The following ADGRE1 variants were observed in gnomAD, a reference collection of about 807,000 sequenced individuals.
ADGRE1 encodes EGF-like module receptor 1.
Under a neutral mutation model 102.7 loss-of-function variants are expected in ADGRE1, and 82 were observed. That is an observed-to-expected ratio of 0.80 (90% CI 0.67 to 0.96). ADGRE1 has a LOEUF of 0.96. Ranked by LOEUF, ADGRE1 falls within the 40% of genes least tolerant of loss-of-function variation. ADGRE1 has a pLI of 0.00. For synonymous variants in ADGRE1, 398 were observed against 399.6 expected, an observed-to-expected ratio of 1.00 and a Z score of 0.05; for missense variants, 1,032 against 1,085.3, an observed-to-expected ratio of 0.95 and a Z score of 0.69.
chr19:6,938,085 C>T (rs8099930), intron 20 of ADGRE1, among the ~76,000 whole-genome samples: 8,402 of 151,728 alleles, frequency 0.055, 771 homozygotes, highest in African/African-American at 0.19. Flanking sequence ...ACCTGTAATC[C>T]CAACACTTTG....
chr19:6,892,689 A>C (rs932388896), intron 2 of ADGRE1, among the ~76,000 whole-genome samples: 3 of 152,252 alleles, frequency 2.0e-5, no homozygotes, highest in African/African-American at 7.2e-5. Flanking sequence ...TATTCACAAT[A>C]GTCAAGATAT....
intron 6 of ADGRE1, among the ~76,000 whole-genome samples, chr19:6,902,894 GC>G (rs1973823718): frequency 6.6e-6 from 1 of 152,210 alleles, no homozygotes; most frequent in African/African-American, 2.4e-5. Context: ...GTGCCACCAT[GC>G]CCAGCTAATT....
At position 6,928,177 on chromosome 19, in the gene ADGRE1, G is replaced by A; in HGVS notation, c.2255G>A (p.Trp752Ter). The change falls in exon 17 of 21, where the codon TGG becomes TAG. Residue 752 changes from tryptophan (W) to a stop codon, truncating the protein, a stop_gained. Transcript: ENST00000312053. LOFTEE classifies it high-confidence loss of function. Reference sequence around the variant, plus strand: ...CTGAATACAGAGACAGGGTTCATCTGGAGTTTCTTGGGGCCAGTTTGCACA... The same window carrying A: ...CTGAATACAGAGACAGGGTTCATCTAGAGTTTCTTGGGGCCAGTTTGCACA... ...CWLNTETGFI[W>*]SFLGPVCTVI... 1.2e-6 allele frequency: 2 copies of A among 1,614,120 alleles called. No individual in the cohort carries two copies. The highest frequency in any genetic ancestry group is 1.7e-6 in the Non-Finnish European group (2 of 1,180,002).
chr19:6,926,673 G>A (rs1974925967), intron 16 of ADGRE1, 72 bp downstream of exon 16: 2 of 1,485,386 alleles, frequency 1.3e-6, no homozygotes, highest in Non-Finnish European at 1.9e-6. Context: ...TGAGCAACAA[G>A]AAGAGTAACA....
intron 2 of ADGRE1, among the ~76,000 whole-genome samples, chr19:6,891,879 G>C (rs949772163): frequency 6.6e-6 from 1 of 152,104 alleles, no homozygotes; most frequent in Non-Finnish European, 1.5e-5. Context: ...GGTGGGATAG[G>C]GCATGTCTGG....
chr19:6,897,115 A>G (rs1973584170), intron 3 of ADGRE1, 34 bp from the exon 4 acceptor site: 8 of 1,394,348 alleles, frequency 5.7e-6, no homozygotes, highest in Non-Finnish European at 6.9e-6. Context: ...TCTATCTAGT[A>G]TAAGTAAATT....
At chr19:6,909,279 C>T (rs540226369) in intron 10 of ADGRE1, among the ~76,000 whole-genome samples, 4 of 152,118 alleles carry the variant, frequency 2.6e-5, no homozygotes, top group Non-Finnish European at 5.9e-5. Flanking sequence ...AGTTTTCTCA[C>T]CTGAATAGAC....
At chr19:6,926,912 ACTT>A (rs1974939873) in intron 16 of ADGRE1, among the ~76,000 whole-genome samples, 1 of 151,968 alleles carries the variant, frequency 6.6e-6, no homozygotes, top group Non-Finnish European at 1.5e-5. Context: ...GGAAAGGAAT[ACTT>A]CTGCATGGTG....
intron 20 of ADGRE1, among the ~76,000 whole-genome samples, 186 bp downstream of exon 20, chr19:6,937,834 T>C (rs1255339946): frequency 6.6e-6 from 1 of 152,028 alleles, no homozygotes; most frequent in Non-Finnish European, 1.5e-5. Context: ...CACACACACA[T>C]TATCTATCTC....
chr19:6,919,824 T>A, intron 13 of ADGRE1, 77 bp downstream of exon 13: 1 of 1,428,308 alleles, frequency 7.0e-7, no homozygotes, highest in South Asian at 1.2e-5. Flanking sequence ...TTAACTCTCA[T>A]TTTTTACGGG....
intron 17 of ADGRE1, among the ~76,000 whole-genome samples, chr19:6,934,689 C>T (rs1450720649): frequency 1.3e-5 from 2 of 151,738 alleles, no homozygotes; most frequent in Admixed American, 1.3e-4. Flanking sequence ...CCTCTGCCTC[C>T]CAGGTTCAGG....
intron 17 of ADGRE1, 69 bp downstream of exon 17, chr19:6,928,280 G>C: frequency 1.9e-6 from 3 of 1,612,496 alleles, no homozygotes; most frequent in Non-Finnish European, 2.5e-6. Context: ...TGCGAGATCT[G>C]GAATTTCCAG....
chr19:6,909,497 G>A (rs1334647144), intron 10 of ADGRE1, among the ~76,000 whole-genome samples: 1 of 152,072 alleles, frequency 6.6e-6, no homozygotes, highest in Non-Finnish European at 1.5e-5. Flanking sequence ...TGGCTTCTTT[G>A]ACTCAGCATA....
intron 10 of ADGRE1, among the ~76,000 whole-genome samples, chr19:6,912,506 C>T (rs1293115208): frequency 6.6e-6 from 1 of 152,122 alleles, no homozygotes; most frequent in Non-Finnish European, 1.5e-5. Flanking sequence ...TAAGTGTGTG[C>T]TATTTTTATT....
chr19:6,921,027 T>A (rs1432996156), intron 13 of ADGRE1, among the ~76,000 whole-genome samples: 2 of 152,288 alleles, frequency 1.3e-5, no homozygotes, highest in South Asian at 4.1e-4. Context: ...GGCTCTTGCC[T>A]GTAATCCCAG....
chr19:6,887,734 T>A, intron 1 of ADGRE1, 95 bp downstream of exon 1: 1 of 1,362,536 alleles, frequency 7.3e-7, no homozygotes, highest in South Asian at 1.3e-5. Context: ...AGCCAAGAGA[T>A]CATAAGTCCA....
chr19:6,928,607 C>A, intron 17 of ADGRE1: 1 of 193,246 alleles, frequency 5.2e-6, no homozygotes, highest in East Asian at 1.3e-4. Flanking sequence ...CCAGCCTGGG[C>A]AACAGAGTGA....
intron 17 of ADGRE1, among the ~76,000 whole-genome samples, chr19:6,933,635 C>T (rs1975259780): frequency 6.6e-6 from 1 of 152,150 alleles, no homozygotes; most frequent in African/African-American, 2.4e-5. Context: ...GATCCACCCA[C>T]CTTGGCCTCC....
chr19:6,929,521 A>AT (rs71177130), intron 17 of ADGRE1, among the ~76,000 whole-genome samples: 6 of 149,720 alleles, frequency 4.0e-5, no homozygotes, highest in East Asian at 4.0e-4. Context: ...CGGAGCTGCC[A>AT]TTTTTTTTTT....
Sources: gnomAD v4.1 joint callset for allele counts (sites outside exome capture counted in the v4.1 genomes callset) on GRCh38, gnomAD v4.1.1 for gene constraint, MANE v1.5 for transcripts, NCBI Gene and HGNC (gene_info 2026-07-23, HGNC 2026-07-21) for gene names.